FCGR2B: variants seen among roughly 807,000 people sequenced by gnomAD.
FCGR2B encodes low affinity immunoglobulin gamma Fc region receptor II-b.
A neutral mutation model predicts 24.8 loss-of-function variants in FCGR2B; 18 were observed. That is an observed-to-expected ratio of 0.73 (90% confidence interval 0.50 to 1.08). FCGR2B has a LOEUF of 1.08. Ranked by LOEUF, FCGR2B falls within the 50% of genes least tolerant of loss-of-function variation. The pLI is 0.00. For synonymous variants in FCGR2B, 79 were observed against 109.8 expected (o/e 0.72, Z 1.75); for missense variants, 215 against 297.6 (o/e 0.72, Z 2.04).
the FCGR2B span, among the ~76,000 whole-genome samples, chr1:161,654,923 T>C: frequency 7.2e-6 from 1 of 138,994 alleles, no homozygotes; most frequent in East Asian, 1.9e-4. Flanking sequence ...GTGTTTCTAA[T>C]GAAAACATTT....
At chr1:161,648,516 T>G in the FCGR2B span, among the ~76,000 whole-genome samples, 1 of 150,644 alleles carries the variant, frequency 6.6e-6, no homozygotes, top group African/African-American at 2.5e-5. Context: ...TTGGATATCC[T>G]TTTTTATGAT....
chr1:161,675,046 A>G (rs1021459935), intron 5 of FCGR2B: 138 of 527,260 alleles, frequency 2.6e-4, no homozygotes, highest in South Asian at 4.4e-4. Context: ...ACTCCTGGGC[A>G]TCCCCATGGG....
At chr1:161,648,645 C>T in the FCGR2B span, among the ~76,000 whole-genome samples, 1 of 150,896 alleles carries the variant, frequency 6.6e-6, no homozygotes, top group Admixed American at 6.6e-5. Flanking sequence ...AAATATTCCT[C>T]CTACTCTGTG....
the FCGR2B span, among the ~76,000 whole-genome samples, chr1:161,653,303 T>C: frequency 7.5e-6 from 1 of 132,596 alleles, no homozygotes; most frequent in African/African-American, 2.6e-5. Flanking sequence ...CTTGGGAGGC[T>C]GAGGCAGGTG....
intron 6 of FCGR2B, chr1:161,676,293 C>G (rs1397189569): frequency 4.9e-6 from 1 of 205,386 alleles, no homozygotes; most frequent in Non-Finnish European, 9.9e-6. Context: ...AGCAAAATAT[C>G]ACTTGTTCAG....
upstream of FCGR2B, among the ~76,000 whole-genome samples, chr1:161,661,248 A>AAGAC (rs1232368167): frequency 1.8e-4 from 8 of 45,312 alleles, 2 homozygotes; most frequent in African/African-American, 4.0e-4. Flanking sequence ...GAAAGAAAGA[A>AAGAC]AGAAAGAAAG....
chr1:161,651,889 T>C, the FCGR2B span, among the ~76,000 whole-genome samples: 265 of 124,536 alleles, frequency 2.1e-3, 24 homozygotes, highest in African/African-American at 5.9e-3. Flanking sequence ...GCTGAGATTG[T>C]GCCATTGCAC....
In FCGR2B at chr1:161,677,567, G is replaced by A; in HGVS notation, c.*14G>A. 2 of 1,588,262 alleles carry A rather than the reference G, an allele frequency of 1.3e-6. No homozygotes were observed. The highest frequency in any genetic ancestry group is 1.7e-6 in the Non-Finnish European group (2 of 1,159,788). Reference sequence around the variant, plus strand: ...AACCGTATTTAGTCTCCATTGTCTTGCATTGGGATTTGAGAAGAAAATCAG... The same window carrying A: ...AACCGTATTTAGTCTCCATTGTCTTACATTGGGATTTGAGAAGAAAATCAG... On this transcript the variant is annotated 3_prime_UTR_variant, in exon 8 of 8. Transcript: ENST00000358671.
chr1:161,671,980 C>G, intron 3 of FCGR2B: 1 of 406,050 alleles, frequency 2.5e-6, no homozygotes. Context: ...ATGATGAATT[C>G]ATTTAACCCT....
chr1:161,675,670 C>G (rs967277781), intron 6 of FCGR2B: 2 of 251,514 alleles, frequency 8.0e-6, no homozygotes, highest in African/African-American at 4.4e-5. Context: ...GGCTGTAAGA[C>G]TGAGGCCAAT....
At chr1:161,661,611 C>G (rs1421553591), upstream of FCGR2B, among the ~76,000 whole-genome samples, 1 of 69,914 alleles carries the variant, frequency 1.4e-5, no homozygotes, top group African/African-American at 6.8e-5. Context: ...TCTCAGATAC[C>G]CTTGGTTTTA....
chr1:161,677,397 C>G (rs944884254), intron 7 of FCGR2B, 32 bp downstream of exon 7: 36 of 1,612,534 alleles, frequency 2.2e-5, no homozygotes, highest in Non-Finnish European at 3.1e-5. Flanking sequence ...CCCCTCCCTT[C>G]TCCCCTGTTG....
At chr1:161,647,372 C>T in the FCGR2B span, among the ~76,000 whole-genome samples, 1 of 144,202 alleles carries the variant, frequency 6.9e-6, no homozygotes, top group Non-Finnish European at 1.5e-5. Context: ...GTGATTTCGG[C>T]TCACTGCAAC....
chr1:161,672,994 C>T lies in FCGR2B; in HGVS notation c.411C>T (p.Thr137=), dbSNP rs1466041547. 1.2e-6 allele frequency: 2 copies of T among 1,613,184 alleles called. No homozygotes were observed. The highest frequency in any genetic ancestry group is 4.5e-5 in the East Asian group (2 of 44,840). Residue 137 remains threonine, a synonymous_variant, in exon 4 of 8, where the codon ACC becomes ACT. Transcript: ENST00000358671. ...TVLSEWLVLQ[T]PHLEFQEGET... ...TTTCAGAGTGGCTGGTGCTCCAGACCCCTCACCTGGAGTTCCAGGAGGGAG... is the reference window on the plus strand; with the variant it reads ...TTTCAGAGTGGCTGGTGCTCCAGACTCCTCACCTGGAGTTCCAGGAGGGAG...
the FCGR2B span, among the ~76,000 whole-genome samples, chr1:161,654,033 T>C: frequency 1.5e-5 from 2 of 134,206 alleles, no homozygotes; most frequent in African/African-American, 5.0e-5. Flanking sequence ...AAAGTACCCA[T>C]GAAAAACCTT....
Position 161,677,555 on chromosome 1 carries a change from C to G in FCGR2B, c.*2C>G. 1.2e-6 allele frequency: 2 copies of G among 1,605,084 alleles called. No individual in the cohort carries two copies. The highest frequency in any genetic ancestry group is 1.7e-6 in the Non-Finnish European group (2 of 1,173,104). ...CCTGATGACCAGAACCGTATTTAGTCTCCATTGTCTTGCATTGGGATTTGA... is the reference window on the plus strand; with the variant it reads ...CCTGATGACCAGAACCGTATTTAGTGTCCATTGTCTTGCATTGGGATTTGA... On this transcript the variant is annotated 3_prime_UTR_variant, in exon 8 of 8. Transcript: ENST00000358671.
intron 3 of FCGR2B, 147 bp from the exon 4 acceptor site, chr1:161,672,828 G>A: frequency 7.8e-7 from 1 of 1,278,256 alleles, no homozygotes; most frequent in Non-Finnish European, 1.1e-6. Flanking sequence ...GTTCATAAAT[G>A]ACAGAGCCAG....
chr1:161,671,709 T>C, intron 3 of FCGR2B, 60 bp downstream of exon 3: 2 of 1,606,696 alleles, frequency 1.2e-6, no homozygotes, highest in Non-Finnish European at 1.7e-6. Flanking sequence ...AAATCTGCTT[T>C]CAGGCAGAGG....
chr1:161,649,232 G>C, the FCGR2B span, among the ~76,000 whole-genome samples: 2 of 149,714 alleles, frequency 1.3e-5, no homozygotes, highest in African/African-American at 4.9e-5. Flanking sequence ...CAAAGGAAGA[G>C]GATTGAAAGT....
Sources: allele counts gnomAD v4.1 joint callset (sites outside exome capture counted in the v4.1 genomes callset), GRCh38; gene constraint gnomAD v4.1.1; transcripts MANE v1.5; gene names NCBI Gene and HGNC (gene_info 2026-07-23, HGNC 2026-07-21).